The following ORAI2 variants were observed in gnomAD, a reference collection of about 807,000 sequenced individuals.
ORAI2 encodes protein orai-2.
In ORAI2, 10 loss-of-function variants were observed where a neutral mutation model predicts 16.2. The observed-to-expected ratio is 0.62, with a 90% confidence interval of 0.38 to 1.04. The LOEUF (loss-of-function observed/expected upper bound fraction) is 1.04, where lower values mean the gene tolerates loss of function less well. Among genes scored for constraint, ORAI2 ranks in the 50% least tolerant of loss-of-function variants. ORAI2 has a pLI of 0.01. For synonymous variants in ORAI2, 150 were observed against 157.5 expected (o/e 0.95, Z 0.35); for missense variants, 238 against 355.5 (o/e 0.67, Z 2.66).
chr7:102,441,243 A>G (rs1797189761), intron 3 of ORAI2, among the ~76,000 whole-genome samples: 1 of 150,808 alleles, frequency 6.6e-6, no homozygotes, highest in South Asian at 2.1e-4. Flanking sequence ...TGATGGTGCA[A>G]TTTAAAAGAA....
chr7:102,447,180 AC>A lies in ORAI2; in HGVS notation c.*130del. On this transcript the variant is annotated 3_prime_UTR_variant, in exon 4 of 4. Coordinates refer to ENST00000495936, the MANE Select transcript of ORAI2 (RefSeq NM_001126340.3). ...ACCAAAGTTTTCCTCTTGTCTTAAT[AC>A]CATAAGGACTGGATGACTTCTCCTG... is the stretch of plus-strand genomic sequence containing the variant. 2 of 1,007,022 alleles carry A rather than the reference AC, an allele frequency of 2.0e-6. No homozygotes were observed. The highest frequency in any genetic ancestry group is 1.7e-5 in the South Asian group (1 of 58,434). The allele number at this position is 1,007,022 out of a possible 1,614,324, so 62.4% of individuals were successfully genotyped here.
chr7:102,449,697 ACT>A lies in ORAI2; in HGVS notation c.*2648_*2649del, dbSNP rs1193071957. 2 of 151,826 alleles carry A rather than the reference ACT, an allele frequency of 1.3e-5. No homozygotes were observed. The highest frequency in any genetic ancestry group is 2.4e-5 in the African/African-American group (1 of 41,292). The allele number at this position is 151,826 out of a possible 1,614,324, so 9.4% of individuals were successfully genotyped here. Reference sequence around the variant, plus strand: ...ACTCCAGCCTGGACAACAGAGCAAAACTCTGTCTCAAAAAATAATAAATAAAA... The same window carrying A: ...ACTCCAGCCTGGACAACAGAGCAAAACTGTCTCAAAAAATAATAAATAAAA... On this transcript the variant is annotated 3_prime_UTR_variant, in exon 4 of 4. Transcript: ENST00000495936.
At chr7:102,439,384 C>T (rs780715303) in intron 3 of ORAI2, among the ~76,000 whole-genome samples, 2 of 152,162 alleles carry the variant, frequency 1.3e-5, no homozygotes, top group Non-Finnish European at 1.5e-5. Flanking sequence ...GCCAGGGGCT[C>T]CCAGCTCTAG....
Position 102,447,096 on chromosome 7 carries a change from C to A in ORAI2, c.*44C>A. 1 of 1,470,692 alleles carries A rather than the reference C, an allele frequency of 6.8e-7. No homozygotes were observed. Among genetic ancestry groups the A allele is most frequent in the South Asian group, 1.4e-5 (1 of 73,496 alleles). 91.1% of individuals were successfully genotyped at this position (1,470,692 alleles called of 1,614,324 possible). A position where few individuals can be genotyped will look rare whatever the true frequency, so the allele number is the denominator to read the frequency against. On this transcript the variant is annotated 3_prime_UTR_variant, in exon 4 of 4. Coordinates refer to ENST00000495936, the MANE Select transcript of ORAI2 (RefSeq NM_001126340.3). ...TGGGAGCGGCCCTGTGCCCGGGAGT[C>A]CGCAGAGGCGGGGATTTGTCAGATG...
At position 102,447,484 on chromosome 7, in the gene ORAI2, A is replaced by G. The variant is rs1586718047; in HGVS notation, c.*432A>G. 5.4e-6 allele frequency: 1 copy of G among 184,996 alleles called. No homozygotes were observed. The highest frequency in any genetic ancestry group is 1.6e-4 in the East Asian group (1 of 6,264). The allele number at this position is 184,996 out of a possible 1,614,324, so 11.5% of individuals were successfully genotyped here. A position where few individuals can be genotyped will look rare whatever the true frequency, so the allele number is the denominator to read the frequency against. Reference sequence around the variant, plus strand: ...GCCCCAGAGACCCGTGGTGGACTTCATGGGTGCTGAGTGGCCCGTGTGACA... The same window carrying G: ...GCCCCAGAGACCCGTGGTGGACTTCGTGGGTGCTGAGTGGCCCGTGTGACA... On this transcript the variant is annotated 3_prime_UTR_variant, in exon 4 of 4. Coordinates refer to ENST00000495936, the MANE Select transcript of ORAI2 (RefSeq NM_001126340.3).
At chr7:102,443,616 G>A (rs1196651479) in intron 3 of ORAI2, among the ~76,000 whole-genome samples, 1 of 152,012 alleles carries the variant, frequency 6.6e-6, no homozygotes, top group Non-Finnish European at 1.5e-5. Flanking sequence ...CCCATGTTCC[G>A]TGGCTACTGG....
At chr7:102,445,130 C>A in intron 3 of ORAI2, among the ~76,000 whole-genome samples, 1 of 152,272 alleles carries the variant, frequency 6.6e-6, no homozygotes, top group African/African-American at 2.4e-5. Context: ...GGCCTCACTT[C>A]CGTCACCTTT....
chr7:102,446,524 G>A lies in ORAI2; in HGVS notation c.237G>A (p.Val79=). ...LLSGFAMVAM[V]EVQLETQYQY... ...TGCTGTCCCCGCAGGTGGCCATGGT[G>A]GAGGTGCAGCTGGAGACGCAGTACC... The change falls in exon 4 of 4, where the codon GTG becomes GTA. Residue 79 remains valine, a synonymous_variant. Coordinates refer to ENST00000495936, the MANE Select transcript of ORAI2 (RefSeq NM_001126340.3). 1 of 1,608,266 alleles carries A rather than the reference G, an allele frequency of 6.2e-7. No homozygotes were observed. The highest frequency in any genetic ancestry group is 8.5e-7 in the Non-Finnish European group (1 of 1,177,608).
At chr7:102,443,128 CTTCTTTTTT>C (rs1241697177) in intron 3 of ORAI2, among the ~76,000 whole-genome samples, 1 of 24,884 alleles carries the variant, frequency 4.0e-5, no homozygotes, top group African/African-American at 8.1e-5. Context: ...TCTTCTTCTT[CTTCTTTTTT>C]TTTTTTTTAA....
rs1452691885 is a variant in ORAI2, at chr7:102,449,509, A to G, written c.*2457A>G. On this transcript the variant is annotated 3_prime_UTR_variant, in exon 4 of 4. Transcript: ENST00000495936. Reference sequence around the variant, plus strand: ...CACTTGAGATCAGGACTTTAAGACCAGCCTCGGCAACAACATGGTGAAACC... The same window carrying G: ...CACTTGAGATCAGGACTTTAAGACCGGCCTCGGCAACAACATGGTGAAACC... 1 of 152,168 alleles carries G rather than the reference A, an allele frequency of 6.6e-6. No individual in the cohort carries two copies. The highest frequency in any genetic ancestry group is 1.9e-4 in the East Asian group (1 of 5,186). The allele number at this position is 152,168 out of a possible 1,614,324, so 9.4% of individuals were successfully genotyped here.
chr7:102,441,872 G>A (rs1302155861), intron 3 of ORAI2, among the ~76,000 whole-genome samples: 2 of 152,072 alleles, frequency 1.3e-5, no homozygotes, highest in Non-Finnish European at 2.9e-5. Flanking sequence ...CTGCAGGGCA[G>A]CCTGGGAAAA....
chr7:102,437,265 G>A (rs137859244), intron 2 of ORAI2, among the ~76,000 whole-genome samples: 22 of 152,286 alleles, frequency 1.4e-4, no homozygotes, highest in African/African-American at 4.1e-4. Flanking sequence ...TAGCTTGGAT[G>A]TGGCTTTAGT....
At chr7:102,438,854 C>A in intron 2 of ORAI2, 90 bp from the exon 3 acceptor site, 1 of 1,237,200 alleles carries the variant, frequency 8.1e-7, no homozygotes. Context: ...CTGTATATGG[C>A]AGCCTCTGTA....
intron 2 of ORAI2, among the ~76,000 whole-genome samples, chr7:102,436,552 C>T (rs1797062929): frequency 6.6e-6 from 1 of 152,098 alleles, no homozygotes; most frequent in South Asian, 2.1e-4. Flanking sequence ...ATTTCCTCAG[C>T]TGCTGACCCT....
In ORAI2 at chr7:102,433,863, G is replaced by C. The variant is rs980317856; in HGVS notation, c.-123+202G>C. The stretch of plus-strand genomic sequence containing the variant: ...CGCCCAGAGGATCAGGGTCGGCGGC[G>C]CAGCCGGTTCCGGACACCGGGGCGT... On this transcript the variant is annotated intron_variant, in intron 1 of 3. Transcript: ENST00000495936. This position sits in a 1 kb window ranked among gnomAD's most constrained non-coding sequence, Gnocchi z 4.6. Among the ~76,000 whole-genome samples the C allele has an allele frequency of 1.3e-5, 2 of 152,114 alleles. No homozygotes were observed. Among genetic ancestry groups the C allele is most frequent in the South Asian group, 4.1e-4 (2 of 4,830 alleles).
chr7:102,434,625 C>T (rs1008346556), intron 1 of ORAI2: 2 of 152,628 alleles, frequency 1.3e-5, no homozygotes, highest in African/African-American at 4.8e-5. Context: ...CCTTGCGTCC[C>T]ACTCCTGCCA....
intron 2 of ORAI2, 69 bp from the exon 3 acceptor site, chr7:102,438,875 G>A: frequency 1.4e-6 from 2 of 1,475,454 alleles, no homozygotes; most frequent in South Asian, 1.2e-5. Flanking sequence ...GGTTGAATGG[G>A]CTTGGAGTCT....
At chr7:102,439,267 T>A in intron 3 of ORAI2, 86 bp downstream of exon 3, 1 of 1,122,960 alleles carries the variant, frequency 8.9e-7, no homozygotes, top group South Asian at 1.3e-5. Context: ...ACCAGAGCCT[T>A]CCCTCCAGTC....
At position 102,451,828 on chromosome 7, in the gene ORAI2, T is replaced by C. The variant is rs1268444743; in HGVS notation, c.*4776T>C. The C allele has an allele frequency of 1.3e-5, 2 of 152,278 alleles. No homozygotes were observed. Among genetic ancestry groups the C allele is most frequent in the Admixed American group, 1.3e-4 (2 of 15,288 alleles). The allele number at this position is 152,278 out of a possible 1,614,324, so 9.4% of individuals were successfully genotyped here. A position where few individuals can be genotyped will look rare whatever the true frequency, so the allele number is the denominator to read the frequency against. ...CTCTAGAATGGAGGCAGGGTACTCATGTCCAGACACGCCGCCATGGGGCTC... is the reference window on the plus strand; with the variant it reads ...CTCTAGAATGGAGGCAGGGTACTCACGTCCAGACACGCCGCCATGGGGCTC... On this transcript the variant is annotated 3_prime_UTR_variant, in exon 4 of 4. Coordinates refer to ENST00000495936, the MANE Select transcript of ORAI2 (RefSeq NM_001126340.3).
Sources: gnomAD v4.1 joint callset for allele counts (sites outside exome capture counted in the v4.1 genomes callset) on GRCh38, gnomAD v4.1.1 for gene constraint, Gnocchi (gnomAD v3.1) non-coding constraint, MANE v1.5 for transcripts, NCBI Gene and HGNC (gene_info 2026-07-23, HGNC 2026-07-21) for gene names.